Variants in RFX2 observed in about 807,000 individuals in gnomAD.
The protein encoded by RFX2 is DNA-binding protein RFX2.
RFX2 carries 20 observed loss-of-function variants against 87.8 expected under a neutral mutation model. The observed-to-expected ratio is 0.23, with a 90% CI of 0.16 to 0.33. The LOEUF (loss-of-function observed/expected upper bound fraction) is 0.33, where lower values mean the gene tolerates loss of function less well. Ranked by LOEUF, RFX2 falls within the 10% of genes least tolerant of loss-of-function variation. The probability of loss-of-function intolerance (pLI) is 1.00; values close to 1 mark genes in which losing one functional copy is unlikely to be tolerated. For synonymous variants in RFX2, 397 were observed against 431.3 expected (o/e 0.92, Z 0.98); for missense variants, 767 against 1,012.3 (o/e 0.76, Z 3.29).
intron 5 of RFX2, among the ~76,000 whole-genome samples, chr19:6,029,965 AAAATG>A (rs1458346236): frequency 6.6e-6 from 1 of 152,234 alleles, no homozygotes; most frequent in Admixed American, 6.5e-5. Flanking sequence ...AGAATGAAGA[AAAATG>A]AGCTGAGCCT....
intron 1 of RFX2, among the ~76,000 whole-genome samples, chr19:6,104,264 T>A (rs899514900): frequency 1.3e-5 from 2 of 152,034 alleles, no homozygotes; most frequent in African/African-American, 4.8e-5. Flanking sequence ...TATGAGCAAT[T>A]CTTAATTTAA....
At chr19:6,030,905 T>C (rs771931082) in intron 5 of RFX2, among the ~76,000 whole-genome samples, 3 of 152,222 alleles carry the variant, frequency 2.0e-5, no homozygotes, top group Non-Finnish European at 2.9e-5. Context: ...AGTTTGCAGA[T>C]CTTCCAGACA....
Position 5,999,699 on chromosome 19 carries a change from A to G in RFX2, c.1859+2116T>C, listed in dbSNP as rs1418142018. ...TGCCTGATCATGCAGGAGACAGACA[A>G]CAGACAAGTGAACAGATGACAGGTG... On this transcript the variant is annotated intron_variant, in intron 15 of 17. Transcript: ENST00000303657. The surrounding 1 kb of genome is among the most constrained non-coding windows in gnomAD (Gnocchi z 4.1). Among the ~76,000 whole-genome samples the G allele has an allele frequency of 6.6e-6, 1 of 152,160 alleles. No individual in the cohort carries two copies. The highest frequency in any genetic ancestry group is 1.9e-4 in the East Asian group (1 of 5,194).
intron 16 of RFX2, 90 bp downstream of exon 16, chr19:5,996,970 A>C: frequency 7.4e-7 from 1 of 1,356,360 alleles, no homozygotes; most frequent in Non-Finnish European, 1.0e-6. Context: ...GGGACCTGCG[A>C]GTGTCCTCTC....
intron 6 of RFX2, among the ~76,000 whole-genome samples, chr19:6,019,029 G>A (rs2086769749): frequency 6.6e-6 from 1 of 151,970 alleles, no homozygotes; most frequent in African/African-American, 2.4e-5. Flanking sequence ...GCCGCCTGCA[G>A]GGCCCTGTGT....
intron 1 of RFX2, among the ~76,000 whole-genome samples, chr19:6,084,795 C>T (rs756976117): frequency 4.6e-5 from 7 of 152,024 alleles, no homozygotes; most frequent in Non-Finnish European, 1.0e-4. Flanking sequence ...CCACCACGCC[C>T]GGCTAATTTT....
At chr19:6,008,655 G>A (rs1310494815) in intron 9 of RFX2, among the ~76,000 whole-genome samples, 11 of 148,012 alleles carry the variant, frequency 7.4e-5, no homozygotes, top group African/African-American at 1.8e-4. Context: ...GATTACAGGC[G>A]TGAGCCACCA....
intron 1 of RFX2, among the ~76,000 whole-genome samples, chr19:6,051,779 T>C (rs1376851478): frequency 6.6e-6 from 1 of 152,210 alleles, no homozygotes; most frequent in Non-Finnish European, 1.5e-5. Context: ...TCCCATTATA[T>C]GGTCCCTAAA....
rs369793720 is a variant in RFX2, at chr19:5,999,154, G to T, written c.1860-1941C>A. Among the ~76,000 whole-genome samples the T allele has an allele frequency of 6.6e-6, 1 of 152,190 alleles. No individual in the cohort carries two copies. The highest frequency in any genetic ancestry group is 1.5e-5 in the Non-Finnish European group (1 of 68,040). ...ACCTGTAATCCCAGCTATTCAGGAG[G>T]CTGAGGCACGAGAAGTGCTTGAACC... On this transcript the variant is annotated intron_variant, in intron 15 of 17. Coordinates refer to ENST00000303657, the MANE Select transcript of RFX2 (RefSeq NM_000635.4). This position sits in a 1 kb window ranked among gnomAD's most constrained non-coding sequence, Gnocchi z 4.1.
chr19:6,023,336 A>G lies in RFX2; in HGVS notation c.597+2827T>C, dbSNP rs559784757. ...GTGGCTGTGCCCCCGCCTGACCTGC[A>G]GAAGGCCGCTGCCCACCACGACCTC... On this transcript the variant is annotated intron_variant, in intron 6 of 17. Coordinates refer to ENST00000303657, the MANE Select transcript of RFX2 (RefSeq NM_000635.4). This position sits in a 1 kb window ranked among gnomAD's most constrained non-coding sequence, Gnocchi z 4.9. The G allele has an allele frequency of 5.9e-5, 9 of 152,422 alleles. No individual in the cohort carries two copies. The highest frequency in any genetic ancestry group is 1.7e-4 in the African/African-American group (7 of 41,586). 9.4% of individuals were successfully genotyped at this position (152,422 alleles called of 1,614,324 possible). A position where few individuals can be genotyped will look rare whatever the true frequency, so the allele number is the denominator to read the frequency against.
At position 6,104,979 on chromosome 19, in the gene RFX2, G is replaced by T. The variant is rs141815985; in HGVS notation, c.-9+5414C>A. ...CTAAAAATACAACAATTAGCTGAGCGTTGTGGCACGTGCCTGTAATCCCAG... is the reference window on the plus strand; with the variant it reads ...CTAAAAATACAACAATTAGCTGAGCTTTGTGGCACGTGCCTGTAATCCCAG... On this transcript the variant is annotated intron_variant, in intron 1 of 17. Coordinates refer to ENST00000303657, the MANE Select transcript of RFX2 (RefSeq NM_000635.4). Among the ~76,000 whole-genome samples the T allele has an allele frequency of 5.5e-3, 837 of 151,990 alleles. 9 individuals carry two copies. Among genetic ancestry groups the T allele is most frequent in the African/African-American group, 0.019 (798 of 41,454 alleles).
rs2087819591 is a variant in RFX2 at position 6,083,878 on chromosome 19, G to A, written c.-9+26515C>T. On this transcript the variant is annotated intron_variant, in intron 1 of 17. Transcript: ENST00000303657. The surrounding 1 kb of genome is among the most constrained non-coding windows in gnomAD (Gnocchi z 4.6). Reference sequence around the variant, plus strand: ...CCTGCTAGCGAGTAGGCACTCAAACGTGTCTGAATAATTTAGTCCCATTTT... The same window carrying A: ...CCTGCTAGCGAGTAGGCACTCAAACATGTCTGAATAATTTAGTCCCATTTT... 1.3e-5 allele frequency among the ~76,000 whole-genome samples: 2 copies of A among 152,060 alleles called. No individual in the cohort carries two copies. The highest frequency in any genetic ancestry group is 4.8e-5 in the African/African-American group (2 of 41,402).
chr19:6,023,420 T>TC lies in RFX2; in HGVS notation c.597+2742dup, dbSNP rs1445898379. Among the ~76,000 whole-genome samples the TC allele has an allele frequency of 6.6e-6, 1 of 152,242 alleles. No homozygotes were observed. The highest frequency in any genetic ancestry group is 1.5e-5 in the Non-Finnish European group (1 of 68,042). On this transcript the variant is annotated intron_variant, in intron 6 of 17. Transcript: ENST00000303657. This position sits in a 1 kb window ranked among gnomAD's most constrained non-coding sequence, Gnocchi z 4.9. ...TTGCAAGGGCACGTCACCCCGTCCA[T>TC]CAGCAGATCACGTGCTTTAACTCCT...
intron 1 of RFX2, among the ~76,000 whole-genome samples, chr19:6,055,783 T>C (rs1219929096): frequency 6.6e-6 from 1 of 152,040 alleles, no homozygotes; most frequent in Non-Finnish European, 1.5e-5. Flanking sequence ...ATTTAAAGAT[T>C]CATATTGAAA....
At position 6,039,351 on chromosome 19, in the gene RFX2, A is replaced by G. The variant is rs890894746; in HGVS notation, c.522+629T>C. Among the ~76,000 whole-genome samples the G allele has an allele frequency of 2.0e-5, 3 of 152,242 alleles. No homozygotes were observed. The highest frequency in any genetic ancestry group is 7.2e-5 in the African/African-American group (3 of 41,460). ...CAAGAAATACCACGAGGGGGTTTTCAGGGCAATGCACTGTTCTGTGACCTG... is the reference window on the plus strand; with the variant it reads ...CAAGAAATACCACGAGGGGGTTTTCGGGGCAATGCACTGTTCTGTGACCTG... On this transcript the variant is annotated intron_variant, in intron 5 of 17. Coordinates refer to ENST00000303657, the MANE Select transcript of RFX2 (RefSeq NM_000635.4). The surrounding 1 kb of genome is among the most constrained non-coding windows in gnomAD (Gnocchi z 5.2).
rs1342606754 is a variant in RFX2 at position 5,994,888 on chromosome 19, G to A, written c.2119C>T (p.Pro707Ser). 1.9e-6 allele frequency: 3 copies of A among 1,610,278 alleles called. No homozygotes were observed. The highest frequency in any genetic ancestry group is 1.1e-5 in the South Asian group (1 of 91,076). ...AGPDARSLGE[P>S]LVKRERSDPN... ...TCACTGCGCTCCCGCTTTACCAGGG[G>A]CTCACCCAGGCTGCGGGCGTCTGGG... Residue 707 changes from proline to serine, a missense_variant, in exon 18 of 18, where the codon CCC becomes TCC. This residue lies in a region of RFX2 where 621 missense variants were observed against 873.0 expected (regional missense o/e 0.71). Transcript: ENST00000303657.
At chr19:6,015,081 C>T (rs552034834) in intron 7 of RFX2, among the ~76,000 whole-genome samples, 4 of 152,166 alleles carry the variant, frequency 2.6e-5, no homozygotes, top group South Asian at 2.1e-4. Context: ...TGTGATGTCC[C>T]GGGGCTGCCA....
rs575453123 is a variant in RFX2, at chr19:6,026,985, T to C, written c.523-748A>G. Among the ~76,000 whole-genome samples, 5 of 152,052 alleles carry C rather than the reference T, an allele frequency of 3.3e-5. No individual in the cohort carries two copies. In the South Asian group the frequency reaches 8.3e-4, roughly 25 times the overall value. On this transcript the variant is annotated intron_variant, in intron 5 of 17. Transcript: ENST00000303657. This position sits in a 1 kb window ranked among gnomAD's most constrained non-coding sequence, Gnocchi z 4.5. ...GGAGGTGGGCGGCAGGTCCACGCGA[T>C]GGAGGAGGCACACAGCTGTGCGTGG...
chr19:6,021,427 CAG>C lies in RFX2; in HGVS notation c.597+4734_597+4735del, dbSNP rs1285799194. Among the ~76,000 whole-genome samples, 1 of 152,186 alleles carries C rather than the reference CAG, an allele frequency of 6.6e-6. No homozygotes were observed. Among genetic ancestry groups the C allele is most frequent in the Non-Finnish European group, 1.5e-5 (1 of 68,042 alleles). Reference sequence around the variant, plus strand: ...AATGAGGGCTGATGCCGAGTGCCGTCAGAGAAATTCACCTGGGAAAGGGGATG... The same window carrying C: ...AATGAGGGCTGATGCCGAGTGCCGTCAGAAATTCACCTGGGAAAGGGGATG... On this transcript the variant is annotated intron_variant, in intron 6 of 17. Coordinates refer to ENST00000303657, the MANE Select transcript of RFX2 (RefSeq NM_000635.4). The surrounding 1 kb of genome is among the most constrained non-coding windows in gnomAD (Gnocchi z 5.7).
Sources: allele counts gnomAD v4.1 joint callset (sites outside exome capture counted in the v4.1 genomes callset), GRCh38; gene constraint gnomAD v4.1.1; regional missense constraint gnomAD v4.1.1; non-coding constraint Gnocchi (gnomAD v3.1); transcripts MANE v1.5; gene names NCBI Gene and HGNC (gene_info 2026-07-23, HGNC 2026-07-21).